CIB2: variants seen among roughly 807,000 people sequenced by gnomAD.
CIB2 encodes the protein calcium and integrin-binding family member 2.
In CIB2, 19 loss-of-function variants were observed where a neutral mutation model predicts 23.1. The observed-to-expected ratio is 0.82, with a 90% CI of 0.57 to 1.21. The LOEUF (loss-of-function observed/expected upper bound fraction) is 1.21. CIB2 is among the 50% of genes most tolerant of loss of function. The pLI is 0.00. For missense variants in CIB2, 220 were observed against 241.5 expected (o/e 0.91, Z 0.59); for synonymous variants, 94 against 91.7 (o/e 1.03, Z -0.14).
intron 4 of CIB2, 138 bp downstream of exon 4, chr15:78,109,097 A>G: frequency 1.0e-6 from 1 of 987,056 alleles, no homozygotes; most frequent in Admixed American, 2.7e-5. Flanking sequence ...ACCCCACTGG[A>G]CAGGCACTCT....
intron 4 of CIB2, 91 bp downstream of exon 4, chr15:78,109,144 C>T (rs1045434066): frequency 2.8e-6 from 4 of 1,446,144 alleles, no homozygotes; most frequent in Non-Finnish European, 3.8e-6. Context: ...CTTGGTGTCC[C>T]TAGGGCAGGA....
intron 2 of CIB2, among the ~76,000 whole-genome samples, chr15:78,113,676 G>A (rs995745994): frequency 8.9e-4 from 136 of 152,076 alleles, no homozygotes; most frequent in African/African-American, 3.1e-3. Flanking sequence ...GACTACAGGC[G>A]CCTGCCACAA....
chr15:78,105,733 C>A lies in CIB2; in HGVS notation c.542+6G>T. ...TGCCCAAGCCCGGCCCCTGTAGTGGCAGCACCTGAGGAAGTCAGGGGCCTT... is the reference window on the plus strand; with the variant it reads ...TGCCCAAGCCCGGCCCCTGTAGTGGAAGCACCTGAGGAAGTCAGGGGCCTT... On this transcript the variant is annotated splice_donor_region_variant and intron_variant, in intron 5 of 5. Transcript: ENST00000258930. 1 of 1,613,912 alleles carries A rather than the reference C, an allele frequency of 6.2e-7. No homozygotes were observed. Among genetic ancestry groups the A allele is most frequent in the Non-Finnish European group, 8.5e-7 (1 of 1,179,924 alleles).
intron 2 of CIB2, 111 bp downstream of exon 2, chr15:78,123,594 T>C (rs1207958738): frequency 1.4e-5 from 15 of 1,108,496 alleles, no homozygotes; most frequent in Non-Finnish European, 1.8e-5. Flanking sequence ...TCCTGATACA[T>C]GCTGATGCTC....
intron 1 of CIB2, among the ~76,000 whole-genome samples, chr15:78,124,133 G>A (rs963247213): frequency 1.5e-4 from 23 of 152,126 alleles, no homozygotes; most frequent in African/African-American, 5.3e-4. Context: ...GCCACCTCGT[G>A]TAGCTGCATG....
intron 2 of CIB2, among the ~76,000 whole-genome samples, chr15:78,116,304 T>A (rs751552523): frequency 9.2e-5 from 14 of 151,474 alleles, no homozygotes; most frequent in Admixed American, 2.6e-4. Context: ...CTACAAAAAA[T>A]ATATATATAT....
chr15:78,128,961 T>C (rs1334147187), intron 1 of CIB2, among the ~76,000 whole-genome samples: 1 of 152,074 alleles, frequency 6.6e-6, no homozygotes, highest in African/African-American at 2.4e-5. Flanking sequence ...TTGAAATGGC[T>C]GGAGGAGCAG....
rs1455977604 is a variant in CIB2 at position 78,105,162 on chromosome 15, T to G, written c.*149A>C. 6 of 814,132 alleles carry G rather than the reference T, an allele frequency of 7.4e-6. No homozygotes were observed. The East Asian group carries it at 1.1e-4, about 15-fold the overall frequency. The allele number at this position is 814,132 out of a possible 1,614,324, so 50.4% of individuals were successfully genotyped here. A position where few individuals can be genotyped will look rare whatever the true frequency, so the allele number is the denominator to read the frequency against. ...TCACAGGCCCCCTTCCTGGTTAAGG[T>G]TTTTTTTTTGCTGAAAGGGCCACAG... On this transcript the variant is annotated 3_prime_UTR_variant, in exon 6 of 6. Coordinates refer to ENST00000258930, the MANE Select transcript of CIB2 (RefSeq NM_006383.4).
intron 2 of CIB2, among the ~76,000 whole-genome samples, chr15:78,117,075 A>G (rs1344126251): frequency 6.6e-6 from 1 of 151,756 alleles, no homozygotes; most frequent in Non-Finnish European, 1.5e-5. Context: ...TACTTAGATA[A>G]CTATTGTGCA....
chr15:78,125,084 T>C (rs1218837114), intron 1 of CIB2, among the ~76,000 whole-genome samples: 1 of 151,644 alleles, frequency 6.6e-6, no homozygotes, highest in African/African-American at 2.4e-5. Flanking sequence ...CTCCTGGGGG[T>C]CTCAGCTTTG....
chr15:78,111,047 C>T (rs568524396), intron 3 of CIB2, 118 bp downstream of exon 3: 62 of 830,362 alleles, frequency 7.5e-5, no homozygotes, highest in Non-Finnish European at 1.2e-4. Flanking sequence ...GTTCTGTGAT[C>T]TGCTCAGAGC....
chr15:78,127,201 C>T (rs970775223), intron 1 of CIB2, among the ~76,000 whole-genome samples: 2 of 152,206 alleles, frequency 1.3e-5, no homozygotes, highest in Admixed American at 1.3e-4. Context: ...TGCTGTCTTT[C>T]CCTTCTCTGG....
At chr15:78,111,502 T>C (rs1439249968) in intron 2 of CIB2, among the ~76,000 whole-genome samples, 1 of 152,090 alleles carries the variant, frequency 6.6e-6, no homozygotes, top group East Asian at 1.9e-4. Context: ...CAGGCCTCCC[T>C]ATTTCCACCA....
chr15:78,110,613 A>G, intron 3 of CIB2: 1 of 453,356 alleles, frequency 2.2e-6, no homozygotes, highest in Non-Finnish European at 4.4e-6. Context: ...GAAACGAAAC[A>G]TTCAGATATA....
Position 78,104,944 on chromosome 15 carries a change from T to C in CIB2, c.*367A>G. 1 of 264,100 alleles carries C rather than the reference T, an allele frequency of 3.8e-6. No homozygotes were observed. Among genetic ancestry groups the C allele is most frequent in the Non-Finnish European group, 7.4e-6 (1 of 134,368 alleles). The allele number at this position is 264,100 out of a possible 1,614,324, so 16.4% of individuals were successfully genotyped here. A position where few individuals can be genotyped will look rare whatever the true frequency, so the allele number is the denominator to read the frequency against. On this transcript the variant is annotated 3_prime_UTR_variant, in exon 6 of 6. Transcript: ENST00000258930. The surrounding 1 kb of genome is among the most constrained non-coding windows in gnomAD (Gnocchi z 4.4). Reference sequence around the variant, plus strand: ...TCCGCTCTGTCCTGGGTGACCAGGGTGTCTGCCAGCACTTGGACACGTCAG... The same window carrying C: ...TCCGCTCTGTCCTGGGTGACCAGGGCGTCTGCCAGCACTTGGACACGTCAG...
intron 2 of CIB2, among the ~76,000 whole-genome samples, chr15:78,116,186 C>G (rs1040658272): frequency 6.6e-6 from 1 of 152,010 alleles, no homozygotes; most frequent in African/African-American, 2.4e-5. Context: ...GGGCTGGGCA[C>G]GGTGGCTTAC....
intron 2 of CIB2, among the ~76,000 whole-genome samples, chr15:78,112,388 A>G (rs1364945522): frequency 6.6e-6 from 1 of 152,030 alleles, no homozygotes; most frequent in African/African-American, 2.4e-5. Flanking sequence ...GCAACACAGC[A>G]AGACCCTGTC....
chr15:78,125,646 T>C (rs979545415), intron 1 of CIB2, among the ~76,000 whole-genome samples: 1 of 152,184 alleles, frequency 6.6e-6, no homozygotes, highest in African/African-American at 2.4e-5. Context: ...ATTCTTAGGC[T>C]CCACTCCAGA....
intron 3 of CIB2, chr15:78,110,546 C>T (rs1042903526): frequency 4.8e-6 from 2 of 414,592 alleles, no homozygotes; most frequent in Admixed American, 2.6e-5. Flanking sequence ...GGGAGTTGTG[C>T]CCCAAATGCC....
Sources: gnomAD v4.1 joint callset for allele counts (sites outside exome capture counted in the v4.1 genomes callset) on GRCh38, gnomAD v4.1.1 for gene constraint, Gnocchi (gnomAD v3.1) non-coding constraint, MANE v1.5 for transcripts, NCBI Gene and HGNC (gene_info 2026-07-23, HGNC 2026-07-21) for gene names.